Variants in SYT13 observed in about 807,000 individuals in gnomAD.
SYT13 encodes synaptotagmin-13.
In SYT13, 21 loss-of-function variants were observed where a neutral mutation model predicts 38.6. The ratio of observed to expected loss-of-function variants is 0.54; its 90% CI spans 0.39 to 0.78. SYT13 has a LOEUF of 0.78. Ranked by LOEUF, SYT13 falls within the 30% of genes least tolerant of loss-of-function variation. SYT13 has a pLI of 0.00. For missense variants in SYT13, 495 were observed against 548.7 expected (o/e 0.90, Z 0.98); for synonymous variants, 241 against 237.6 (o/e 1.01, Z -0.13).
chr11:45,258,031 A>G (rs919697619), intron 1 of SYT13, among the ~76,000 whole-genome samples: 12 of 152,238 alleles, frequency 7.9e-5, no homozygotes. Context: ...ACCTGATTCT[A>G]GCCTGATCAC....
At chr11:45,283,722 G>GC (rs1206706880) in intron 1 of SYT13, among the ~76,000 whole-genome samples, 2 of 152,220 alleles carry the variant, frequency 1.3e-5, no homozygotes, top group African/African-American at 4.8e-5. Flanking sequence ...TATTTATTGT[G>GC]CCCCTATTGA....
At chr11:45,263,289 GA>G (rs1854842273) in intron 1 of SYT13, among the ~76,000 whole-genome samples, 2 of 152,318 alleles carry the variant, frequency 1.3e-5, no homozygotes, top group Middle Eastern at 6.8e-3. Context: ...GCTTATGTTG[GA>G]AAACCAAAAC....
chr11:45,262,760 CACACACACAA>C (rs1343838353), intron 1 of SYT13, among the ~76,000 whole-genome samples: 2,535 of 135,536 alleles, frequency 0.019, 76 homozygotes, highest in African/African-American at 0.054. Flanking sequence ...CACACACACA[CACACACACAA>C]ATTGAACTGT....
intron 4 of SYT13, among the ~76,000 whole-genome samples, chr11:45,250,616 T>C (rs906634525): frequency 6.6e-6 from 1 of 152,198 alleles, no homozygotes; most frequent in Non-Finnish European, 1.5e-5. Context: ...AGGATCCCCA[T>C]CTGTGATTCC....
At chr11:45,266,962 G>A (rs1470216977) in intron 1 of SYT13, among the ~76,000 whole-genome samples, 23 of 152,208 alleles carry the variant, frequency 1.5e-4, no homozygotes, top group Admixed American at 1.5e-3. Context: ...CTCACAGTCT[G>A]AAAAGGGCCG....
At chr11:45,255,537 T>C in intron 2 of SYT13, 129 bp downstream of exon 2, 1 of 835,614 alleles carries the variant, frequency 1.2e-6, no homozygotes, top group Non-Finnish European at 1.8e-6. Context: ...CCAGTGCCCA[T>C]CTGCTTGGCC....
chr11:45,252,834 T>A lies in SYT13; in HGVS notation c.545-112A>T. On this transcript the variant is annotated intron_variant, in intron 3 of 5. Coordinates refer to ENST00000020926, the MANE Select transcript of SYT13 (RefSeq NM_020826.3). The surrounding 1 kb of genome is among the most constrained non-coding windows in gnomAD (Gnocchi z 4.3). ...TCCAGCTTAACGACGTGACCTTGGG[T>A]GTCAGAAAGGCTGACCACCCTGGGC... The A allele has an allele frequency of 8.0e-7, 1 of 1,255,514 alleles. No homozygotes were observed. Among genetic ancestry groups the A allele is most frequent in the Non-Finnish European group, 1.1e-6 (1 of 934,810 alleles). The allele number at this position is 1,255,514 out of a possible 1,614,324, so 77.8% of individuals were successfully genotyped here.
intron 1 of SYT13, among the ~76,000 whole-genome samples, chr11:45,283,999 G>T (rs891768428): frequency 2.6e-5 from 4 of 152,202 alleles, no homozygotes; most frequent in Admixed American, 1.3e-4. Context: ...TTTGTTTTAT[G>T]TGTCAGTAGG....
At chr11:45,269,923 A>G (rs1170247934) in intron 1 of SYT13, among the ~76,000 whole-genome samples, 5 of 152,244 alleles carry the variant, frequency 3.3e-5, no homozygotes, top group Admixed American at 2.0e-4. Context: ...GAACAAAGGC[A>G]ATGTCAAGAC....
chr11:45,268,525 G>A (rs1370912095), intron 1 of SYT13, among the ~76,000 whole-genome samples: 10 of 152,200 alleles, frequency 6.6e-5, no homozygotes, highest in Admixed American at 6.5e-4. Context: ...ACAAGTCTGA[G>A]CATTTTACCC....
intron 1 of SYT13, among the ~76,000 whole-genome samples, chr11:45,285,031 C>T (rs1434768870): frequency 6.6e-6 from 1 of 152,192 alleles, no homozygotes; most frequent in South Asian, 2.1e-4. Context: ...TAGTGCCACT[C>T]CTGGAACCAT....
intron 5 of SYT13, among the ~76,000 whole-genome samples, chr11:45,245,645 G>C (rs1854605251): frequency 6.6e-6 from 1 of 152,242 alleles, no homozygotes; most frequent in African/African-American, 2.4e-5. Context: ...TATCTGGCTA[G>C]CTGAGGATGC....
intron 1 of SYT13, among the ~76,000 whole-genome samples, chr11:45,281,360 G>A (rs576447881): frequency 3.7e-4 from 57 of 152,232 alleles, no homozygotes; most frequent in African/African-American, 1.4e-3. Flanking sequence ...GGGTGGCTGG[G>A]GATATGGACA....
At chr11:45,259,581 GT>G (rs1854791574) in intron 1 of SYT13, among the ~76,000 whole-genome samples, 1 of 152,126 alleles carries the variant, frequency 6.6e-6, no homozygotes, top group South Asian at 2.1e-4. Flanking sequence ...TTTCTTGGTT[GT>G]CTACCAATAT....
chr11:45,280,827 G>A (rs900974286), intron 1 of SYT13, among the ~76,000 whole-genome samples: 12 of 152,214 alleles, frequency 7.9e-5, no homozygotes, highest in Non-Finnish European at 1.6e-4. Flanking sequence ...ACCAGACATT[G>A]TCAAGAATAC....
chr11:45,252,909 G>C lies in SYT13; in HGVS notation c.545-187C>G, dbSNP rs1272678365. ...ACATTTAGAAATAGATCATTTGAGG[G>C]GGCTGGCCTCAGCACATGCCGATTC... On this transcript the variant is annotated intron_variant, in intron 3 of 5. Transcript: ENST00000020926. The surrounding 1 kb of genome is among the most constrained non-coding windows in gnomAD (Gnocchi z 4.3). 6.6e-6 allele frequency among the ~76,000 whole-genome samples: 1 copy of C among 152,156 alleles called. No individual in the cohort carries two copies. Among genetic ancestry groups the C allele is most frequent in the Non-Finnish European group, 1.5e-5 (1 of 68,018 alleles).
At chr11:45,267,245 T>C (rs1854894668) in intron 1 of SYT13, among the ~76,000 whole-genome samples, 2 of 152,298 alleles carry the variant, frequency 1.3e-5, no homozygotes, top group South Asian at 4.1e-4. Context: ...CCCTGCTGCC[T>C]TCCCGCCACT....
At chr11:45,266,503 TACACACACACAC>T (rs68112111) in intron 1 of SYT13, among the ~76,000 whole-genome samples, 1 of 147,282 alleles carries the variant, frequency 6.8e-6, no homozygotes, top group African/African-American at 2.5e-5. Flanking sequence ...CCCTCTCAAA[TACACACACACAC>T]ACACACACAC....
chr11:45,268,899 G>T (rs781030186), intron 1 of SYT13, among the ~76,000 whole-genome samples: 1 of 152,154 alleles, frequency 6.6e-6, no homozygotes, highest in Non-Finnish European at 1.5e-5. Flanking sequence ...TAAAAGGCAT[G>T]GCCAACACTG....
Sources: allele counts gnomAD v4.1 joint callset (sites outside exome capture counted in the v4.1 genomes callset), GRCh38; gene constraint gnomAD v4.1.1; non-coding constraint Gnocchi (gnomAD v3.1); transcripts MANE v1.5; gene names NCBI Gene and HGNC (gene_info 2026-07-23, HGNC 2026-07-21).